ST3GAL2: variants seen among roughly 807,000 people sequenced by gnomAD.
ST3GAL2 encodes the protein ST3 beta-galactoside alpha-2,3-sialyltransferase 2.
In ST3GAL2, 16 loss-of-function variants were observed where a neutral mutation model predicts 37.5. The observed-to-expected ratio is 0.43, with a 90% CI of 0.29 to 0.65. The LOEUF (loss-of-function observed/expected upper bound fraction) is 0.65. Ranked by LOEUF, ST3GAL2 falls within the 30% of genes least tolerant of loss-of-function variation. The pLI, the probability that ST3GAL2 is intolerant of heterozygous loss-of-function variation, is 0.17. For missense variants in ST3GAL2, 383 were observed against 487.8 expected, an observed-to-expected ratio of 0.79 and a Z score of 2.02; for synonymous variants, 238 against 202.9, an observed-to-expected ratio of 1.17 and a Z score of -1.47.
Position 70,381,669 on chromosome 16 carries a change from G to A in ST3GAL2, c.*20C>T. 1.2e-6 allele frequency: 2 copies of A among 1,610,396 alleles called. No homozygotes were observed. Among genetic ancestry groups the A allele is most frequent in the South Asian group, 1.1e-5 (1 of 90,940 alleles). ...CCGGTGCCCGATAGATGGGCCGGAA[G>A]GGTCGCGGCGAGGCCCGGCTCAGTT... On this transcript the variant is annotated 3_prime_UTR_variant, in exon 7 of 7. Transcript: ENST00000342907.
At chr16:70,426,181 CTTTTT>C (rs56342720) in intron 1 of ST3GAL2, among the ~76,000 whole-genome samples, 1 of 99,512 alleles carries the variant, frequency 1.0e-5, no homozygotes, top group African/African-American at 3.8e-5. Context: ...GGGCCAAAGC[CTTTTT>C]TTTTTTTTTT....
intron 2 of ST3GAL2, among the ~76,000 whole-genome samples, chr16:70,397,411 G>C (rs898685621): frequency 1.3e-5 from 2 of 151,742 alleles, no homozygotes; most frequent in African/African-American, 4.8e-5. Context: ...CAAGAAAGGG[G>C]CTCTGTTCTC....
chr16:70,394,919 G>T (rs2047504900), intron 3 of ST3GAL2, 63 bp downstream of exon 3: 2 of 1,561,202 alleles, frequency 1.3e-6, no homozygotes, highest in African/African-American at 2.8e-5. Context: ...ACAAGGCAGA[G>T]GAGGGCAGTC....
At chr16:70,396,640 C>A (rs2047518120) in intron 2 of ST3GAL2, among the ~76,000 whole-genome samples, 1 of 152,216 alleles carries the variant, frequency 6.6e-6, no homozygotes, top group African/African-American at 2.4e-5. Flanking sequence ...GTGGCCCCAG[C>A]TCTGCAGACC....
At chr16:70,398,134 G>A (rs2047529431) in intron 2 of ST3GAL2, 58 bp downstream of exon 2, 5 of 1,555,696 alleles carry the variant, frequency 3.2e-6, no homozygotes, top group Admixed American at 1.8e-5. Flanking sequence ...CCAAGAGGGG[G>A]CTCTGAGTGG....
chr16:70,419,556 G>A (rs1289020569), intron 1 of ST3GAL2, among the ~76,000 whole-genome samples: 1 of 152,206 alleles, frequency 6.6e-6, no homozygotes, highest in Non-Finnish European at 1.5e-5. Context: ...TACTGAAACA[G>A]GCTCAGCCCA....
At chr16:70,400,524 T>A (rs2047548215) in intron 1 of ST3GAL2, 1 of 152,216 alleles carries the variant, frequency 6.6e-6, no homozygotes, top group African/African-American at 2.4e-5. Flanking sequence ...ACTTTTGGGG[T>A]CTCCTGGCTG....
rs900897327 is a variant in ST3GAL2 at position 70,382,660 on chromosome 16, C to T, written c.879+145G>A. On this transcript the variant is annotated intron_variant, in intron 6 of 6. Coordinates refer to ENST00000342907, the MANE Select transcript of ST3GAL2 (RefSeq NM_006927.4). The stretch of plus-strand genomic sequence containing the variant: ...AACGTTTGGGAAAGGCATATCTATA[C>T]TTTACAGCCTAGAGATGGGGGAAAC... The T allele has an allele frequency of 1.6e-4, 198 of 1,248,512 alleles. 3 individuals are homozygous for T. The East Asian group carries it at 4.7e-3, about 29-fold the overall frequency. The allele number at this position is 1,248,512 out of a possible 1,614,324, so 77.3% of individuals were successfully genotyped here.
intron 1 of ST3GAL2, among the ~76,000 whole-genome samples, chr16:70,423,618 T>C (rs2047730596): frequency 6.6e-6 from 1 of 152,022 alleles, no homozygotes; most frequent in Non-Finnish European, 1.5e-5. Context: ...GGCTTGGGGA[T>C]CTTGGGCAAA....
chr16:70,413,066 T>C (rs1004522604), intron 1 of ST3GAL2, among the ~76,000 whole-genome samples: 4 of 151,494 alleles, frequency 2.6e-5, no homozygotes, highest in African/African-American at 9.7e-5. Flanking sequence ...CTGGCCAACA[T>C]GGTGAAACCC....
chr16:70,402,355 G>T (rs1003768477), intron 1 of ST3GAL2, among the ~76,000 whole-genome samples: 1 of 146,698 alleles, frequency 6.8e-6, no homozygotes, highest in Non-Finnish European at 1.5e-5. Context: ...TAAAATGAAT[G>T]AACTCCGGTT....
chr16:70,376,911 T>A lies in ST3GAL2; in HGVS notation c.*4778A>T, dbSNP rs1372469014. 3.3e-5 allele frequency: 5 copies of A among 152,024 alleles called. No individual in the cohort carries two copies. The highest frequency in any genetic ancestry group is 1.2e-4 in the African/African-American group (5 of 41,474). The allele number at this position is 152,024 out of a possible 1,614,324, so 9.4% of individuals were successfully genotyped here. A position where few individuals can be genotyped will look rare whatever the true frequency, so the allele number is the denominator to read the frequency against. ...CGTCTGCCACTAAGCCTGGCCAATT[T>A]TTTGTATTTTTAGTAGAGACGGGGT... On this transcript the variant is annotated 3_prime_UTR_variant, in exon 7 of 7. Coordinates refer to ENST00000342907, the MANE Select transcript of ST3GAL2 (RefSeq NM_006927.4).
chr16:70,420,074 T>C (rs2047704444), intron 1 of ST3GAL2, among the ~76,000 whole-genome samples: 1 of 142,254 alleles, frequency 7.0e-6, no homozygotes, highest in Admixed American at 7.4e-5. Flanking sequence ...TCACCCAAGC[T>C]AGAGTGAAAT....
intron 2 of ST3GAL2, among the ~76,000 whole-genome samples, chr16:70,395,533 C>T (rs1169964450): frequency 6.6e-6 from 1 of 152,186 alleles, no homozygotes; most frequent in African/African-American, 2.4e-5. Flanking sequence ...TCAGGGGATC[C>T]TTCCTGGTCA....
chr16:70,421,993 C>T (rs2047717968), intron 1 of ST3GAL2, among the ~76,000 whole-genome samples: 1 of 152,164 alleles, frequency 6.6e-6, no homozygotes, highest in Admixed American at 6.5e-5. Context: ...TGGTCTTGAA[C>T]TCCTGACCCC....
intron 1 of ST3GAL2, among the ~76,000 whole-genome samples, chr16:70,433,779 C>T (rs995278292): frequency 3.3e-5 from 5 of 152,234 alleles, no homozygotes; most frequent in African/African-American, 1.2e-4. Flanking sequence ...CAAGGAAATG[C>T]TTTCCTGCCA....
rs1161041257 is a variant in ST3GAL2, at chr16:70,380,868, CGGGATTTTTTTCCAGAGCAACAG to C, written c.*798_*820del. ...TGGGGGTAGGGACGGAGTCGGGGGA[CGGGATTTTTTTCCAGAGCAACAG>C]GTAGGCTGGTGAGGAGGCCTCCGGC... On this transcript the variant is annotated 3_prime_UTR_variant, in exon 7 of 7. Coordinates refer to ENST00000342907, the MANE Select transcript of ST3GAL2 (RefSeq NM_006927.4). 3 of 153,540 alleles carry C rather than the reference CGGGATTTTTTTCCAGAGCAACAG, an allele frequency of 2.0e-5. No individual in the cohort carries two copies. Among genetic ancestry groups the C allele is most frequent in the Admixed American group, 6.5e-5 (1 of 15,304 alleles). The allele number at this position is 153,540 out of a possible 1,614,324, so 9.5% of individuals were successfully genotyped here.
chr16:70,420,460 G>C (rs183177594), intron 1 of ST3GAL2, among the ~76,000 whole-genome samples: 2 of 152,322 alleles, frequency 1.3e-5, no homozygotes, highest in African/African-American at 4.8e-5. Context: ...TCTGACTGCA[G>C]GGTGGTCAAG....
intron 2 of ST3GAL2, 76 bp downstream of exon 2, chr16:70,398,116 C>T: frequency 1.5e-5 from 23 of 1,488,796 alleles, no homozygotes; most frequent in Non-Finnish European, 2.1e-5. Flanking sequence ...GCTCTGGGGG[C>T]CAGAAATCCA....
Sources: gnomAD v4.1 joint callset for allele counts (sites outside exome capture counted in the v4.1 genomes callset) on GRCh38, gnomAD v4.1.1 for gene constraint, MANE v1.5 for transcripts, NCBI Gene and HGNC (gene_info 2026-07-23, HGNC 2026-07-21) for gene names.